ROBO2: variants seen among roughly 807,000 people sequenced by gnomAD.
ROBO2 encodes roundabout homolog 2.
In ROBO2, 53 loss-of-function variants were observed where a neutral mutation model predicts 160.8. The observed-to-expected ratio is 0.33, with a 90% confidence interval of 0.26 to 0.41. The LOEUF (loss-of-function observed/expected upper bound fraction) is 0.41. Among genes scored for constraint, ROBO2 ranks in the 10% least tolerant of loss-of-function variants. The pLI is 1.00. For synonymous variants in ROBO2, 664 were observed against 611.7 expected (o/e 1.09, Z -1.26); for missense variants, 1,577 against 1,722.4 (o/e 0.92, Z 1.49).
At chr3:76,858,110 T>A in intron 2 of ROBO2, among the ~76,000 whole-genome samples, 1 of 151,598 alleles carries the variant, frequency 6.6e-6, no homozygotes, top group South Asian at 2.1e-4. Context: ...CACTCGCTAG[T>A]ACACTCCCAG....
intron 2 of ROBO2, among the ~76,000 whole-genome samples, chr3:76,856,020 T>C (rs1034758282): frequency 6.6e-6 from 1 of 152,236 alleles, no homozygotes; most frequent in Admixed American, 6.5e-5. Flanking sequence ...TAAGTGCTGG[T>C]ATCCCCTGTT....
intron 2 of ROBO2, among the ~76,000 whole-genome samples, chr3:76,639,646 C>T (rs2090543871): frequency 2.6e-5 from 4 of 152,052 alleles, no homozygotes. Flanking sequence ...AAACAAGGCT[C>T]AAGAAGAATC....
chr3:76,171,385 G>T (rs2073033397), intron 2 of ROBO2, among the ~76,000 whole-genome samples: 3 of 151,466 alleles, frequency 2.0e-5, no homozygotes, highest in African/African-American at 7.3e-5. Context: ...AATAATCTCA[G>T]TCAGGTGGGA....
chr3:76,354,081 C>A (rs1376215915), intron 2 of ROBO2, among the ~76,000 whole-genome samples: 1 of 152,048 alleles, frequency 6.6e-6, no homozygotes, highest in South Asian at 2.1e-4. Flanking sequence ...CATTTTAAAT[C>A]GTAATGCAAA....
At chr3:77,513,980 A>G (rs1232677533) in intron 5 of ROBO2, among the ~76,000 whole-genome samples, 1 of 151,876 alleles carries the variant, frequency 6.6e-6, no homozygotes, top group Admixed American at 6.6e-5. Context: ...GTCAAAGACT[A>G]GCAGATTTCA....
At chr3:77,508,129 C>T (rs529093479) in intron 5 of ROBO2, among the ~76,000 whole-genome samples, 7 of 151,816 alleles carry the variant, frequency 4.6e-5, no homozygotes, top group African/African-American at 1.4e-4. Context: ...TCACAAAGCA[C>T]ATATGTATCT....
At chr3:77,332,230 T>C (rs761584611) in intron 2 of ROBO2, among the ~76,000 whole-genome samples, 3 of 152,158 alleles carry the variant, frequency 2.0e-5, no homozygotes, top group Admixed American at 2.0e-4. Flanking sequence ...AATGGAACAA[T>C]ATATTTTTCT....
intron 2 of ROBO2, among the ~76,000 whole-genome samples, chr3:76,180,025 A>G (rs993081038): frequency 3.9e-5 from 6 of 152,126 alleles, no homozygotes; most frequent in Admixed American, 1.3e-4. Flanking sequence ...CTGCTCCGGC[A>G]GGGTGGAATT....
At chr3:77,232,525 T>A (rs1348335423) in intron 2 of ROBO2, among the ~76,000 whole-genome samples, 1 of 152,206 alleles carries the variant, frequency 6.6e-6, no homozygotes, top group Non-Finnish European at 1.5e-5. Flanking sequence ...ATGAGTTAAC[T>A]GTTTCTAAAA....
At chr3:77,539,397 T>C (rs1409269827) in intron 6 of ROBO2, among the ~76,000 whole-genome samples, 4 of 152,176 alleles carry the variant, frequency 2.6e-5, no homozygotes, top group Admixed American at 2.6e-4. Context: ...TGTATTCAGG[T>C]AACATACTTG....
chr3:76,198,330 C>A (rs1301603654), intron 2 of ROBO2, among the ~76,000 whole-genome samples: 1 of 152,116 alleles, frequency 6.6e-6, no homozygotes, highest in Non-Finnish European at 1.5e-5. Context: ...AATTTAGGCA[C>A]AATTGATCAG....
intron 2 of ROBO2, among the ~76,000 whole-genome samples, chr3:76,816,890 TA>T (rs961281330): frequency 1.5e-4 from 22 of 151,536 alleles, no homozygotes; most frequent in African/African-American, 3.4e-4. Context: ...TATGTAGCCA[TA>T]AAAAAAAGGA....
chr3:76,491,944 C>A (rs753929737), intron 2 of ROBO2, among the ~76,000 whole-genome samples: 42 of 151,902 alleles, frequency 2.8e-4, no homozygotes, highest in Non-Finnish European at 3.8e-4. Flanking sequence ...AAAATACAAA[C>A]AAACAAACAA....
At chr3:77,114,285 GA>G (rs1185630296) in intron 2 of ROBO2, among the ~76,000 whole-genome samples, 2 of 152,120 alleles carry the variant, frequency 1.3e-5, no homozygotes, top group Non-Finnish European at 2.9e-5. Flanking sequence ...TTGGAAAAAA[GA>G]TATTTCTAAG....
intron 2 of ROBO2, among the ~76,000 whole-genome samples, chr3:76,937,774 T>G (rs922132770): frequency 2.0e-5 from 3 of 152,192 alleles, no homozygotes; most frequent in Non-Finnish European, 4.4e-5. Context: ...AATATTCAAC[T>G]TTGTGGATGT....
intron 2 of ROBO2, among the ~76,000 whole-genome samples, chr3:76,319,957 G>C (rs2072378512): frequency 6.6e-6 from 1 of 151,950 alleles, no homozygotes; most frequent in South Asian, 2.1e-4. Context: ...AGGGGGGAAG[G>C]CATCTGTATT....
At chr3:76,867,050 C>G (rs1426539631) in intron 2 of ROBO2, among the ~76,000 whole-genome samples, 1 of 152,144 alleles carries the variant, frequency 6.6e-6, no homozygotes, top group Non-Finnish European at 1.5e-5. Flanking sequence ...ATGACCACAA[C>G]TTATTTTTAA....
At chr3:76,060,650 T>C (rs1258048455) in intron 2 of ROBO2, among the ~76,000 whole-genome samples, 1 of 152,208 alleles carries the variant, frequency 6.6e-6, no homozygotes, top group East Asian at 1.9e-4. Context: ...CTGTGGCTAA[T>C]TTGGGTCCCT....
Position 77,611,376 on chromosome 3 carries a change from T to C in ROBO2, c.3293+3422T>C, listed in dbSNP as rs113283753. 2.3e-3 allele frequency among the ~76,000 whole-genome samples: 343 copies of C among 152,028 alleles called. 2 individuals are homozygous for C. The highest frequency in any genetic ancestry group is 8.0e-3 in the African/African-American group (330 of 41,472). On this transcript the variant is annotated intron_variant, in intron 21 of 25. Coordinates refer to ENST00000461745, the Ensembl canonical transcript of ROBO2. ...TTGAAGCCAATTGTGAAGCCTTGTA[T>C]GTCATATTGGAGTTCTGATGTTTGA...
Sources: gnomAD v4.1 joint callset for allele counts (sites outside exome capture counted in the v4.1 genomes callset) on GRCh38, gnomAD v4.1.1 for gene constraint, MANE v1.5 for transcripts, NCBI Gene and HGNC (gene_info 2026-07-23, HGNC 2026-07-21) for gene names.